The following ATP10A variants were observed in gnomAD, a reference collection of about 807,000 sequenced individuals.
ATP10A encodes the protein ATPase phospholipid transporting 10A (putative), also known as phospholipid-transporting ATPase VA.
A neutral mutation model predicts 147.8 loss-of-function variants in ATP10A; 111 were observed. The ratio of observed to expected loss-of-function variants is 0.75; its 90% confidence interval spans 0.64 to 0.88. The LOEUF (loss-of-function observed/expected upper bound fraction) is 0.88. Among genes scored for constraint, ATP10A ranks in the 40% least tolerant of loss-of-function variants. The pLI, the probability that ATP10A is intolerant of heterozygous loss-of-function variation, is 0.00. For missense variants in ATP10A, 1,927 were observed against 1,959.0 expected, an observed-to-expected ratio of 0.98 and a Z score of 0.31; for synonymous variants, 875 against 841.6, an observed-to-expected ratio of 1.04 and a Z score of -0.69.
chr15:25,754,234 A>G (rs1233512865), intron 2 of ATP10A, among the ~76,000 whole-genome samples: 1 of 152,144 alleles, frequency 6.6e-6, no homozygotes, highest in African/African-American at 2.4e-5. Flanking sequence ...CCTGGGTTCA[A>G]GAGATTCTCC....
At chr15:25,796,142 T>TA (rs1890660880) in intron 1 of ATP10A, among the ~76,000 whole-genome samples, 1 of 152,102 alleles carries the variant, frequency 6.6e-6, no homozygotes, top group Non-Finnish European at 1.5e-5. Flanking sequence ...CATGTGAAAA[T>TA]AGTTTGTTTC....
Position 25,714,154 on chromosome 15 carries a change from A to T in ATP10A, c.1864T>A (p.Cys622Ser). ...GCGGCCAGGCTCCCGATGCTGCTGCAGCCTGAGGTCAGGCAGCTGGGTGTG... is the reference window on the plus strand; with the variant it reads ...GCGGCCAGGCTCCCGATGCTGCTGCTGCCTGAGGTCAGGCAGCTGGGTGTG... ...RFTPSCLTSG[C>S]SSIGSLAANK... Residue 622 changes from cysteine to serine, a missense_variant, in exon 10 of 21, where the codon TGC becomes AGC. Transcript: ENST00000555815. 1.2e-6 allele frequency: 2 copies of T among 1,610,966 alleles called. No homozygotes were observed.
At chr15:25,707,314 G>A (rs1208543729) in intron 12 of ATP10A, among the ~76,000 whole-genome samples, 1 of 152,062 alleles carries the variant, frequency 6.6e-6, no homozygotes, top group Non-Finnish European at 1.5e-5. Flanking sequence ...AGTACCACCT[G>A]ACTCACAGCA....
At chr15:25,676,911 C>A (rs946742837), downstream of ATP10A, among the ~76,000 whole-genome samples, 2 of 152,060 alleles carry the variant, frequency 1.3e-5, no homozygotes, top group African/African-American at 2.4e-5. Flanking sequence ...TTGTCCTTTA[C>A]CTCTGATTAT....
intron 2 of ATP10A, among the ~76,000 whole-genome samples, chr15:25,742,417 A>T (rs1596799443): frequency 1.3e-5 from 2 of 152,352 alleles, no homozygotes; most frequent in South Asian, 4.1e-4. Flanking sequence ...GTTTCTGAGC[A>T]GAAAGGCAGC....
chr15:25,799,721 G>A (rs952712044), intron 1 of ATP10A, among the ~76,000 whole-genome samples: 16 of 152,054 alleles, frequency 1.1e-4, no homozygotes, highest in African/African-American at 3.9e-4. Context: ...TGACAGAGCA[G>A]GACCCTGTCT....
rs149151128 is a variant in ATP10A at position 25,774,370 on chromosome 15, T to C, written c.654+6649A>G. On this transcript the variant is annotated intron_variant, in intron 2 of 20. Coordinates refer to ENST00000555815, the MANE Select transcript of ATP10A (RefSeq NM_024490.4). ...TGAGTGGATCACCTGAGGTCCAGAG[T>C]TCAAGACCAGCCTGACCAAGACGGA... Among the ~76,000 whole-genome samples the C allele has an allele frequency of 3.3e-5, 5 of 151,850 alleles. No individual in the cohort carries two copies. The East Asian group carries it at 9.7e-4, about 29-fold the overall frequency.
chr15:25,799,831 T>C (rs910224137), intron 1 of ATP10A, among the ~76,000 whole-genome samples: 65 of 152,216 alleles, frequency 4.3e-4, no homozygotes, highest in African/African-American at 1.5e-3. Context: ...CAATTTATAA[T>C]GAAGTATTTA....
chr15:25,792,138 C>T (rs563526345), intron 1 of ATP10A, among the ~76,000 whole-genome samples: 26 of 152,370 alleles, frequency 1.7e-4, no homozygotes, highest in Admixed American at 1.6e-3. Context: ...ACTGAACCTA[C>T]ATACCCACTC....
rs1175387648 is a variant in ATP10A at position 25,781,065 on chromosome 15, T to G, written c.608A>C (p.Glu203Ala). ...CHIETANLDG[E>A]TNLKRRQVVR... ...CACCTGCCGCCGCTTCAGGTTGGTC[T>G]CTCCATCCAGGTTGGCGGTCTCGAT... Residue 203 changes from glutamate to alanine, a missense_variant, in exon 2 of 21, where the codon GAG becomes GCG. Glu to Ala is a moderately radical substitution (Grantham distance 107). Transcript: ENST00000555815. 1 of 1,613,976 alleles carries G rather than the reference T, an allele frequency of 6.2e-7. No homozygotes were observed. Among genetic ancestry groups the G allele is most frequent in the Non-Finnish European group, 8.5e-7 (1 of 1,180,036 alleles).
chr15:25,856,634 C>T (rs1424422402), intron 1 of ATP10A, among the ~76,000 whole-genome samples: 1 of 152,108 alleles, frequency 6.6e-6, no homozygotes, highest in Non-Finnish European at 1.5e-5. Context: ...ATTTGGCAAC[C>T]TCTAACAAAT....
At chr15:25,844,399 A>G (rs1192386646) in intron 1 of ATP10A, among the ~76,000 whole-genome samples, 1 of 152,172 alleles carries the variant, frequency 6.6e-6, no homozygotes, top group Non-Finnish European at 1.5e-5. Flanking sequence ...TAAACTGAGG[A>G]AGTTTAAGAG....
intron 2 of ATP10A, among the ~76,000 whole-genome samples, chr15:25,744,276 T>C (rs1247320448): frequency 6.6e-6 from 1 of 152,136 alleles, no homozygotes; most frequent in Non-Finnish European, 1.5e-5. Context: ...AATTCCAAAT[T>C]GCTAGAACCC....
intron 3 of ATP10A, among the ~76,000 whole-genome samples, chr15:25,733,561 C>T (rs1887084347): frequency 6.6e-6 from 1 of 152,226 alleles, no homozygotes; most frequent in Non-Finnish European, 1.5e-5. Context: ...GCTCCACCCC[C>T]AGAGGCCCCT....
rs186614986 is a variant in ATP10A at position 25,783,430 on chromosome 15, C to T, written c.450-2207G>A. Among the ~76,000 whole-genome samples, 364 of 151,748 alleles carry T rather than the reference C, an allele frequency of 2.4e-3. 3 individuals carry two copies. Among genetic ancestry groups the T allele is most frequent in the African/African-American group, 8.2e-3 (340 of 41,332 alleles). The stretch of plus-strand genomic sequence containing the variant: ...GAGTTTGCAGAGCTAGGAAGCCACA[C>T]GCCAATTTTCTCTCTTCTATTTAAT... On this transcript the variant is annotated intron_variant, in intron 1 of 20. Transcript: ENST00000555815.
intron 2 of ATP10A, among the ~76,000 whole-genome samples, chr15:25,750,314 T>C (rs1196187888): frequency 1.3e-5 from 2 of 151,988 alleles, no homozygotes; most frequent in African/African-American, 4.8e-5. Context: ...TGTAAAATAC[T>C]GTCAACCTAG....
chr15:25,798,138 C>T (rs534692245), intron 1 of ATP10A, among the ~76,000 whole-genome samples: 1 of 152,286 alleles, frequency 6.6e-6, no homozygotes, highest in South Asian at 2.1e-4. Context: ...AGTTAAGGAG[C>T]TCCTCAGCTT....
At chr15:25,730,588 C>T (rs1275151248) in intron 3 of ATP10A, among the ~76,000 whole-genome samples, 1 of 152,106 alleles carries the variant, frequency 6.6e-6, no homozygotes, top group East Asian at 1.9e-4. Flanking sequence ...AACACCTTAG[C>T]AAAGATGCAC....
Position 25,714,000 on chromosome 15 carries a change from T to C in ATP10A, c.2018A>G (p.Gln673Arg), listed in dbSNP as rs757240806. The C allele has an allele frequency of 1.4e-5, 22 of 1,609,932 alleles. No homozygotes were observed. The highest frequency in any genetic ancestry group is 1.7e-5 in the Admixed American group (1 of 59,998). Reference protein sequence around the residue: ...SAIASNGYSSQADNWASELAQ... With the variant: ...SAIASNGYSSRADNWASELAQ... ...AAGCTCCGAGGCCCAGTTGTCCGCC[T>C]GGCTGCTGTAGCCGTTGCTGGCGAT... The change falls in exon 10 of 21, where the codon CAG becomes CGG. Residue 673 changes from glutamine (Q) to arginine (R), a missense_variant. Transcript: ENST00000555815.
Sources: allele counts gnomAD v4.1 joint callset (sites outside exome capture counted in the v4.1 genomes callset), GRCh38; gene constraint gnomAD v4.1.1; transcripts MANE v1.5; gene names NCBI Gene and HGNC (gene_info 2026-07-23, HGNC 2026-07-21).